The following MTARC2 variants were observed in gnomAD, a reference collection of about 807,000 sequenced individuals.
The protein encoded by MTARC2 is MOCO sulphurase C-terminal domain containing 2.
A neutral mutation model predicts 35.6 loss-of-function variants in MTARC2; 27 were observed. The ratio of observed to expected loss-of-function variants is 0.76; its 90% CI spans 0.56 to 1.04. MTARC2 has a LOEUF of 1.04. Ranked by LOEUF, MTARC2 falls within the 50% of genes least tolerant of loss-of-function variation. The pLI is 0.00. For synonymous variants in MTARC2, 158 were observed against 167.1 expected, an observed-to-expected ratio of 0.95 and a Z score of 0.42; for missense variants, 412 against 432.5, an observed-to-expected ratio of 0.95 and a Z score of 0.42.
chr1:220,748,390 G>T lies in MTARC2; in HGVS notation c.-142G>T. On this transcript the variant is annotated 5_prime_UTR_variant, in exon 1 of 8. Coordinates refer to ENST00000366913, the MANE Select transcript of MTARC2 (RefSeq NM_017898.5). ...CTCCGCGGAACTGCTCTGCCGTCTC[G>T]GCGGTGAAAGTGTGAGAGGGTCCGT... 2.4e-6 allele frequency: 2 copies of T among 836,546 alleles called. No individual in the cohort carries two copies. Among genetic ancestry groups the T allele is most frequent in the Non-Finnish European group, 3.2e-6 (2 of 617,930 alleles). 51.8% of individuals were successfully genotyped at this position (836,546 alleles called of 1,614,324 possible). A position where few individuals can be genotyped will look rare whatever the true frequency, so the allele number is the denominator to read the frequency against.
intron 4 of MTARC2, among the ~76,000 whole-genome samples, chr1:220,769,815 CCTGT>C (rs1671687047): frequency 6.6e-6 from 1 of 150,378 alleles, no homozygotes; most frequent in Non-Finnish European, 1.5e-5. Context: ...CTCAGAACGC[CCTGT>C]CTGATAGAAC....
chr1:220,770,567 A>G, intron 4 of MTARC2: 1 of 985,400 alleles, frequency 1.0e-6, no homozygotes, highest in Non-Finnish European at 1.2e-6. Context: ...GTAAGGCAGG[A>G]TTGATCTCAG....
intron 2 of MTARC2, 89 bp from the exon 3 acceptor site, chr1:220,761,569 T>C: frequency 7.5e-7 from 1 of 1,327,100 alleles, no homozygotes; most frequent in Non-Finnish European, 1.0e-6. Flanking sequence ...GATGGTCAGG[T>C]CCCAACAGTC....
chr1:220,750,741 C>T (rs1671104343), intron 1 of MTARC2, among the ~76,000 whole-genome samples: 1 of 152,180 alleles, frequency 6.6e-6, no homozygotes, highest in Admixed American at 6.5e-5. Context: ...AGTATTATCA[C>T]CATTTTGCAA....
chr1:220,748,392 CGG>C lies in MTARC2; in HGVS notation c.-139_-138del, dbSNP rs202181197. 7.0e-3 allele frequency: 5,924 copies of C among 848,976 alleles called. 32 individuals carry two copies. The highest frequency in any genetic ancestry group is 8.3e-3 in the Non-Finnish European group (5,247 of 629,146). The allele number at this position is 848,976 out of a possible 1,614,324, so 52.6% of individuals were successfully genotyped here. A position where few individuals can be genotyped will look rare whatever the true frequency, so the allele number is the denominator to read the frequency against. ...CCGCGGAACTGCTCTGCCGTCTCGG[CGG>C]TGAAAGTGTGAGAGGGTCCGTAGTT... On this transcript the variant is annotated 5_prime_UTR_variant, in exon 1 of 8. Coordinates refer to ENST00000366913, the MANE Select transcript of MTARC2 (RefSeq NM_017898.5).
rs780862112 is a variant in MTARC2 at position 220,780,251 on chromosome 1, C to T, written c.884+12C>T. On this transcript the variant is annotated intron_variant, in intron 6 of 7. Coordinates refer to ENST00000366913, the MANE Select transcript of MTARC2 (RefSeq NM_017898.5). ...GACACCCTGAAGAGGTAGAATACCA[C>T]CACAGCCAGTGTATTTTAAATATTA... The T allele has an allele frequency of 8.1e-6, 13 of 1,604,104 alleles. No homozygotes were observed. Among genetic ancestry groups the T allele is most frequent in the Non-Finnish European group, 1.1e-5 (13 of 1,175,922 alleles).
At chr1:220,754,334 T>C (rs747580366) in intron 1 of MTARC2, 11 of 456,150 alleles carry the variant, frequency 2.4e-5, no homozygotes, top group South Asian at 1.4e-4. Context: ...TTATCTAACA[T>C]GTGACTTCTG....
At chr1:220,773,723 T>TGTCAC (rs1347280574) in intron 4 of MTARC2, among the ~76,000 whole-genome samples, 2 of 152,192 alleles carry the variant, frequency 1.3e-5, no homozygotes, top group African/African-American at 4.8e-5. Flanking sequence ...ATGTATTTGA[T>TGTCAC]GTCACAGAGA....
chr1:220,783,862 A>G (rs1031697453), intron 7 of MTARC2, 57 bp from the exon 8 acceptor site: 2 of 717,064 alleles, frequency 2.8e-6, no homozygotes, highest in Non-Finnish European at 5.2e-6. Context: ...AGTTTGAATT[A>G]TTTATGAACA....
intron 2 of MTARC2, among the ~76,000 whole-genome samples, chr1:220,757,343 G>C (rs12043238): frequency 6.6e-6 from 1 of 152,218 alleles, no homozygotes; most frequent in East Asian, 1.9e-4. Flanking sequence ...TGTAGTCAGC[G>C]CACTGCCCTC....
chr1:220,780,491 C>T (rs1408118591), intron 6 of MTARC2, among the ~76,000 whole-genome samples: 2 of 148,890 alleles, frequency 1.3e-5, no homozygotes, highest in Non-Finnish European at 3.0e-5. Flanking sequence ...CTCACTCTGT[C>T]CCCCAGGCTG....
intron 3 of MTARC2, 123 bp from the exon 4 acceptor site, chr1:220,762,787 C>A: frequency 9.5e-7 from 1 of 1,050,430 alleles, no homozygotes; most frequent in Non-Finnish European, 1.4e-6. Flanking sequence ...CTCTCTCCTT[C>A]CTGAACACTG....
rs767075248 is a variant in MTARC2, at chr1:220,761,758, G to C, written c.547G>C (p.Glu183Gln). ...TGAAGCGTATAGATTGGTTCAATTT[G>C]AGACAAACATGAAGGGAAGAACATC... ...KTEAYRLVQF[E>Q]TNMKGRTSRK... The change falls in exon 3 of 8, where the codon GAG becomes CAG. Residue 183 changes from glutamate (E) to glutamine (Q), a missense_variant. Coordinates refer to ENST00000366913, the MANE Select transcript of MTARC2 (RefSeq NM_017898.5). 3.1e-6 allele frequency: 5 copies of C among 1,613,692 alleles called. No individual in the cohort carries two copies. Among genetic ancestry groups the C allele is most frequent in the Non-Finnish European group, 3.4e-6 (4 of 1,179,972 alleles).
At chr1:220,777,874 T>A (rs1415878841) in intron 4 of MTARC2, among the ~76,000 whole-genome samples, 1 of 152,196 alleles carries the variant, frequency 6.6e-6, no homozygotes, top group African/African-American at 2.4e-5. Flanking sequence ...AAAGTTGTAA[T>A]CTGTCTGGAT....
chr1:220,768,040 T>A (rs1671628998), intron 4 of MTARC2, among the ~76,000 whole-genome samples: 1 of 152,204 alleles, frequency 6.6e-6, no homozygotes, highest in Non-Finnish European at 1.5e-5. Flanking sequence ...GTAGCGGTAA[T>A]GATAACAATA....
At chr1:220,772,700 T>TTGTGTG (rs371722709) in intron 4 of MTARC2, among the ~76,000 whole-genome samples, 3 of 148,620 alleles carry the variant, frequency 2.0e-5, no homozygotes, top group African/African-American at 7.4e-5. Flanking sequence ...GTGTGTGTGT[T>TTGTGTG]TGTGTGTGTG....
intron 1 of MTARC2, among the ~76,000 whole-genome samples, chr1:220,750,206 A>G (rs908724772): frequency 6.6e-6 from 1 of 152,230 alleles, no homozygotes; most frequent in African/African-American, 2.4e-5. Context: ...AGCTTATTCA[A>G]ATATGAAGGA....
intron 4 of MTARC2, among the ~76,000 whole-genome samples, chr1:220,763,479 C>T (rs1315940993): frequency 3.3e-5 from 5 of 152,180 alleles, no homozygotes; most frequent in African/African-American, 1.2e-4. Flanking sequence ...GCAATCTGCC[C>T]CGGAGACATA....
chr1:220,761,929 A>G, intron 3 of MTARC2, 109 bp downstream of exon 3: 1 of 1,078,458 alleles, frequency 9.3e-7, no homozygotes, highest in Middle Eastern at 2.1e-4. Context: ...AGAAAATATG[A>G]TAATGGCCCT....
Sources: gnomAD v4.1 joint callset for allele counts (sites outside exome capture counted in the v4.1 genomes callset) on GRCh38, gnomAD v4.1.1 for gene constraint, MANE v1.5 for transcripts, NCBI Gene and HGNC (gene_info 2026-07-23, HGNC 2026-07-21) for gene names.